BABAM2: variants seen among roughly 807,000 people sequenced by gnomAD.
The protein encoded by BABAM2 is BRISC and BRCA1-A complex member 2.
In BABAM2, 31 loss-of-function variants were observed where a neutral mutation model predicts 54.7. The ratio of observed to expected loss-of-function variants is 0.57; its 90% CI spans 0.43 to 0.77. The LOEUF (loss-of-function observed/expected upper bound fraction) is 0.77. BABAM2 is among the 30% of genes least tolerant of loss of function. The pLI is 0.00. For synonymous variants in BABAM2, 167 were observed against 162.9 expected (o/e 1.03, Z -0.19); for missense variants, 364 against 455.8 (o/e 0.80, Z 1.83).
At chr2:28,070,551 C>CTTTTTTTTTTTTTT (rs779324534) in intron 6 of BABAM2, among the ~76,000 whole-genome samples, 6 of 85,724 alleles carry the variant, frequency 7.0e-5, no homozygotes, top group African/African-American at 1.6e-4. Flanking sequence ...AAGTACTTTT[C>CTTTTTTTTTTTTTT]TTTTCTTTTT....
At chr2:28,303,612 G>T (rs2148256267) in intron 11 of BABAM2, among the ~76,000 whole-genome samples, 1 of 152,180 alleles carries the variant, frequency 6.6e-6, no homozygotes, top group Admixed American at 6.5e-5. Context: ...AGGTATCCAA[G>T]CTTGTTCTTT....
chr2:28,147,957 C>T (rs1195965834), intron 7 of BABAM2, among the ~76,000 whole-genome samples: 1 of 152,098 alleles, frequency 6.6e-6, no homozygotes, highest in Non-Finnish European at 1.5e-5. Flanking sequence ...CATACACCCC[C>T]TAATGGGATA....
intron 4 of BABAM2, among the ~76,000 whole-genome samples, chr2:27,998,022 G>A (rs1174441429): frequency 4.6e-5 from 7 of 152,014 alleles, no homozygotes; most frequent in African/African-American, 7.2e-5. Flanking sequence ...GCATGGTGGC[G>A]CGCACCTGTA....
chr2:28,116,008 G>A (rs958302766), intron 6 of BABAM2, among the ~76,000 whole-genome samples: 13 of 151,832 alleles, frequency 8.6e-5, no homozygotes, highest in African/African-American at 2.4e-4. Flanking sequence ...CCAGCTACTC[G>A]GGAGGCTGAG....
At chr2:27,956,885 C>T (rs916703259) in intron 3 of BABAM2, among the ~76,000 whole-genome samples, 1 of 152,096 alleles carries the variant, frequency 6.6e-6, no homozygotes, top group African/African-American at 2.4e-5. Flanking sequence ...GAGTATAGTA[C>T]ATTGGAAGCA....
intron 6 of BABAM2, among the ~76,000 whole-genome samples, chr2:28,080,678 AAG>A (rs1342793391): frequency 1.3e-5 from 2 of 152,206 alleles, no homozygotes; most frequent in Non-Finnish European, 2.9e-5. Flanking sequence ...AAATATTTGA[AAG>A]AGAAAAGAAA....
At chr2:28,213,011 C>A (rs62139109) in intron 7 of BABAM2, among the ~76,000 whole-genome samples, 26,976 of 151,952 alleles carry the variant, frequency 0.18, 2,552 homozygotes, top group African/African-American at 0.22. Flanking sequence ...TTGAGCCCAG[C>A]CAGGAGTTTG....
chr2:28,221,551 A>G (rs959179380), intron 7 of BABAM2, among the ~76,000 whole-genome samples: 5 of 152,046 alleles, frequency 3.3e-5, no homozygotes, highest in African/African-American at 1.2e-4. Flanking sequence ...TATCATGGCC[A>G]TTTGTCTGAA....
chr2:27,915,150 T>C (rs904486916), intron 2 of BABAM2, among the ~76,000 whole-genome samples: 1 of 152,150 alleles, frequency 6.6e-6, no homozygotes, highest in African/African-American at 2.4e-5. Flanking sequence ...AATTTTTGTC[T>C]GTGGAATGAA....
At chr2:28,299,546 ACTAT>A (rs1042764692) in intron 11 of BABAM2, among the ~76,000 whole-genome samples, 5 of 152,166 alleles carry the variant, frequency 3.3e-5, no homozygotes, top group African/African-American at 9.7e-5. Flanking sequence ...ACAAATATAG[ACTAT>A]CTATTAGGCC....
chr2:27,998,566 T>C (rs2148508023), intron 4 of BABAM2, among the ~76,000 whole-genome samples: 1 of 152,306 alleles, frequency 6.6e-6, no homozygotes, highest in East Asian at 1.9e-4. Flanking sequence ...TCTGTTCTTT[T>C]GATCTGTTCC....
intron 7 of BABAM2, among the ~76,000 whole-genome samples, chr2:28,201,130 C>T (rs941968531): frequency 2.0e-5 from 3 of 152,044 alleles, no homozygotes; most frequent in South Asian, 2.1e-4. Flanking sequence ...ACCAAGGATC[C>T]GTGTCCTGTG....
At chr2:28,131,067 A>ATTTTT (rs1375422651) in intron 7 of BABAM2, among the ~76,000 whole-genome samples, 1 of 1,674 alleles carries the variant, frequency 6.0e-4, no homozygotes, top group East Asian at 0.01. Flanking sequence ...TATTATTATT[A>ATTTTT]TTATTATTAT....
At chr2:28,180,244 G>A (rs962696349) in intron 7 of BABAM2, among the ~76,000 whole-genome samples, 6 of 152,000 alleles carry the variant, frequency 3.9e-5, no homozygotes, top group Non-Finnish European at 5.9e-5. Flanking sequence ...AATCAAAACA[G>A]CATGATACTG....
intron 10 of BABAM2, among the ~76,000 whole-genome samples, chr2:28,259,472 C>G (rs1684303910): frequency 6.6e-6 from 1 of 152,098 alleles, no homozygotes. Context: ...TATGTTCTTA[C>G]TTTTGAGTTG....
chr2:27,899,489 T>C lies in BABAM2; in HGVS notation c.128+4805T>C, dbSNP rs563728142. Among the ~76,000 whole-genome samples the C allele has an allele frequency of 2.1e-4, 32 of 152,224 alleles. 2 individuals carry two copies. In the South Asian group the frequency reaches 6.0e-3, roughly 29 times the overall value. On this transcript the variant is annotated intron_variant, in intron 2 of 11. Transcript: ENST00000379624. ...ACTAGTCCTAGTGTTTTTTTTTTTT[T>C]TCGTGACAGAGTTTCGCTCTTGTTG...
chr2:28,250,294 G>A (rs1383676797), intron 10 of BABAM2, among the ~76,000 whole-genome samples: 1 of 145,810 alleles, frequency 6.9e-6, no homozygotes, highest in African/African-American at 2.5e-5. Flanking sequence ...AGCACAGTGA[G>A]TAAGGGGAAG....
chr2:27,930,591 T>C (rs1668023013), intron 3 of BABAM2, among the ~76,000 whole-genome samples: 1 of 152,204 alleles, frequency 6.6e-6, no homozygotes, highest in Non-Finnish European at 1.5e-5. Flanking sequence ...TGTTGCTACT[T>C]TTTCAAAATT....
intron 7 of BABAM2, among the ~76,000 whole-genome samples, chr2:28,158,629 G>A (rs1363611993): frequency 6.6e-6 from 1 of 152,228 alleles, no homozygotes; most frequent in South Asian, 2.1e-4. Context: ...CCATTCTGCT[G>A]TTTGTCTCTT....
Sources: allele counts gnomAD v4.1 joint callset (sites outside exome capture counted in the v4.1 genomes callset), GRCh38; gene constraint gnomAD v4.1.1; transcripts MANE v1.5; gene names NCBI Gene and HGNC (gene_info 2026-07-23, HGNC 2026-07-21).